SH2D3C: variants seen among roughly 807,000 people sequenced by gnomAD.
SH2D3C encodes the protein SH2 domain-containing protein 3C.
SH2D3C carries 25 observed loss-of-function variants against 75.2 expected under a neutral mutation model. That is an observed-to-expected ratio of 0.33 (90% CI 0.24 to 0.46). The LOEUF (loss-of-function observed/expected upper bound fraction) is 0.46, where lower values mean the gene tolerates loss of function less well. SH2D3C is among the 20% of genes least tolerant of loss of function. The pLI is 1.00. For synonymous variants in SH2D3C, 450 were observed against 473.7 expected, an observed-to-expected ratio of 0.95 and a Z score of 0.65; for missense variants, 933 against 1,165.3, an observed-to-expected ratio of 0.80 and a Z score of 2.90.
Position 127,738,683 on chromosome 9 carries a change from A to T in SH2D3C, c.*63T>A. ...ACAGTGTCCTTGGGGTGCTCTGGGG[A>T]AAGTTGTGTGCCCCTCTGCCCCTGA... is the stretch of plus-strand genomic sequence containing the variant. On this transcript the variant is annotated 3_prime_UTR_variant, in exon 12 of 12. Transcript: ENST00000314830. This position sits in a 1 kb window ranked among gnomAD's most constrained non-coding sequence, Gnocchi z 5.0. The T allele has an allele frequency of 6.8e-7, 1 of 1,465,234 alleles. No individual in the cohort carries two copies. The highest frequency in any genetic ancestry group is 9.1e-7 in the Non-Finnish European group (1 of 1,095,986). The allele number at this position is 1,465,234 out of a possible 1,614,324, so 90.8% of individuals were successfully genotyped here.
chr9:127,748,040 A>T (rs1845086292), intron 5 of SH2D3C, among the ~76,000 whole-genome samples: 1 of 152,192 alleles, frequency 6.6e-6, no homozygotes, highest in African/African-American at 2.4e-5. Context: ...CCAGAATTCA[A>T]CTACCCCATG....
rs1341258067 is a variant in SH2D3C, at chr9:127,774,636, A to G, written c.38-169T>C. Reference sequence around the variant, plus strand: ...GCCCCTAGAAATGGTATAAGATGGGAGCTTTGGAGTCACGGGGCCCTGGAC... The same window carrying G: ...GCCCCTAGAAATGGTATAAGATGGGGGCTTTGGAGTCACGGGGCCCTGGAC... On this transcript the variant is annotated intron_variant, in intron 1 of 11. Coordinates refer to ENST00000314830, the MANE Select transcript of SH2D3C (RefSeq NM_170600.3). This position sits in a 1 kb window ranked among gnomAD's most constrained non-coding sequence, Gnocchi z 4.3. 6.6e-6 allele frequency among the ~76,000 whole-genome samples: 1 copy of G among 152,132 alleles called. No individual in the cohort carries two copies. The highest frequency in any genetic ancestry group is 1.5e-5 in the Non-Finnish European group (1 of 68,018).
At chr9:127,771,424 G>T in intron 2 of SH2D3C, 1 of 1,266,260 alleles carries the variant, frequency 7.9e-7, no homozygotes, top group Non-Finnish European at 1.0e-6. Flanking sequence ...GGCAGGGAAG[G>T]ACGCTCTCCG....
At chr9:127,755,926 A>C (rs1257255466) in intron 3 of SH2D3C, among the ~76,000 whole-genome samples, 1 of 152,258 alleles carries the variant, frequency 6.6e-6, no homozygotes, top group East Asian at 1.9e-4. Flanking sequence ...GCTTTCGCTG[A>C]GCTGGTGCAT....
chr9:127,742,934 T>C lies in SH2D3C; in HGVS notation c.1831A>G (p.Met611Val). 1 of 1,613,826 alleles carries C rather than the reference T, an allele frequency of 6.2e-7. No homozygotes were observed. The highest frequency in any genetic ancestry group is 8.5e-7 in the Non-Finnish European group (1 of 1,179,842). ...VARILGVTKEMQTLMGVRWGM... is the reference protein window; with the variant it reads ...VARILGVTKEVQTLMGVRWGM... ...CAGCGGACTCCCATTAGGGTCTGCA[T>C]CTCCTTGGTAACGCCCAGTATCCTA... The change falls in exon 8 of 12, where the codon ATG becomes GTG. Residue 611 changes from methionine (M) to valine (V), a missense_variant. Met to Val is a conservative substitution (Grantham distance 21). Transcript: ENST00000314830.
intron 2 of SH2D3C, among the ~76,000 whole-genome samples, chr9:127,773,421 G>A (rs140548383): frequency 9.5e-4 from 145 of 152,164 alleles, no homozygotes; most frequent in African/African-American, 2.1e-3. Flanking sequence ...AGGGGGTCTC[G>A]GTTCACATGC....
chr9:127,755,303 G>T, intron 3 of SH2D3C: 2 of 1,092,060 alleles, frequency 1.8e-6, no homozygotes, highest in Non-Finnish European at 2.3e-6. Flanking sequence ...GGGAGGAGCG[G>T]GGAGGCGGGG....
chr9:127,743,516 AAAAT>A, intron 7 of SH2D3C, among the ~76,000 whole-genome samples: 1 of 152,312 alleles, frequency 6.6e-6, no homozygotes, highest in African/African-American at 2.4e-5. Context: ...AAATAAAAAT[AAAAT>A]AAATAAATAA....
chr9:127,743,788 C>A (rs1204407606), intron 7 of SH2D3C, among the ~76,000 whole-genome samples: 1 of 151,980 alleles, frequency 6.6e-6, no homozygotes, highest in Non-Finnish European at 1.5e-5. Flanking sequence ...GAACTGGGGT[C>A]TTTAGATGTT....
At chr9:127,762,925 C>G (rs1206106971) in intron 2 of SH2D3C, among the ~76,000 whole-genome samples, 2 of 152,232 alleles carry the variant, frequency 1.3e-5, no homozygotes, top group Non-Finnish European at 2.9e-5. Context: ...GCCAGAAAAA[C>G]AGGCATAAAT....
At chr9:127,765,781 C>G (rs1055858454) in intron 2 of SH2D3C, among the ~76,000 whole-genome samples, 1 of 152,194 alleles carries the variant, frequency 6.6e-6, no homozygotes, top group African/African-American at 2.4e-5. Flanking sequence ...TTTTAAAACT[C>G]AGCTCCACTA....
chr9:127,740,431 C>T, intron 9 of SH2D3C, 62 bp from the exon 10 acceptor site: 1 of 1,220,130 alleles, frequency 8.2e-7, no homozygotes, highest in Non-Finnish European at 1.2e-6. Context: ...CACCCTGCTG[C>T]CCTGCTGAGT....
Position 127,749,255 on chromosome 9 carries a change from C to A in SH2D3C, c.1095G>T (p.Gly365=). The A allele has an allele frequency of 1.3e-6, 2 of 1,590,862 alleles. No individual in the cohort carries two copies. Among genetic ancestry groups the A allele is most frequent in the Non-Finnish European group, 8.6e-7 (1 of 1,166,824 alleles). ...MKRRSVTMTD[G]LTADKVTRSD... is the part of the protein sequence containing the mutation. The stretch of plus-strand genomic sequence containing the variant: ...TGCGGGTGACCTTGTCAGCAGTGAG[C>A]CCATCGGTCATGGTGACGCTGCGCC... The change falls in exon 5 of 12, where the codon GGG becomes GGT. Residue 365 remains glycine, a synonymous_variant. Transcript: ENST00000314830. This position sits in a 1 kb window ranked among gnomAD's most constrained non-coding sequence, Gnocchi z 5.9.
At position 127,749,279 on chromosome 9, in the gene SH2D3C, C is replaced by T. The variant is rs1391573380; in HGVS notation, c.1071G>A (p.Arg357=). The change falls in exon 5 of 12, where the codon CGG becomes CGA. Residue 357 remains arginine (R), a synonymous_variant. Coordinates refer to ENST00000314830, the MANE Select transcript of SH2D3C (RefSeq NM_170600.3). This position sits in a 1 kb window ranked among gnomAD's most constrained non-coding sequence, Gnocchi z 5.9. Reference sequence around the variant, plus strand: ...GCCCATCGGTCATGGTGACGCTGCGCCGCTTCATGTGGCTGCCCTTGGGGC... The same window carrying T: ...GCCCATCGGTCATGGTGACGCTGCGTCGCTTCATGTGGCTGCCCTTGGGGC... The part of the protein sequence containing the change: ...PSGPKGSHMK[R]RSVTMTDGLT... The T allele has an allele frequency of 6.2e-7, 1 of 1,606,388 alleles. No homozygotes were observed. The highest frequency in any genetic ancestry group is 1.1e-5 in the South Asian group (1 of 90,724).
At chr9:127,768,177 CT>C (rs746681066) in intron 2 of SH2D3C, among the ~76,000 whole-genome samples, 1 of 152,214 alleles carries the variant, frequency 6.6e-6, no homozygotes, top group African/African-American at 2.4e-5. Flanking sequence ...ACCCCCACCC[CT>C]GGTGGGTAAT....
chr9:127,757,453 C>T (rs1449329279), intron 3 of SH2D3C, among the ~76,000 whole-genome samples: 3 of 149,428 alleles, frequency 2.0e-5, no homozygotes, highest in African/African-American at 7.4e-5. Flanking sequence ...TTTTTCAAGA[C>T]ATGGTCTCAC....
At position 127,754,949 on chromosome 9, in the gene SH2D3C, CG is replaced by C. The variant is rs1384121982; in HGVS notation, c.556-3650del. The C allele has an allele frequency of 2.1e-5, 11 of 533,478 alleles. No individual in the cohort carries two copies. Among genetic ancestry groups the C allele is most frequent in the South Asian group, 5.1e-5 (3 of 58,750 alleles). The allele number at this position is 533,478 out of a possible 1,614,324, so 33.0% of individuals were successfully genotyped here. On this transcript the variant is annotated intron_variant, in intron 3 of 11. Transcript: ENST00000314830. The surrounding 1 kb of genome is among the most constrained non-coding windows in gnomAD (Gnocchi z 4.4). ...GACCCCGCCCCCTCCCCGGGTCGGC[CG>C]GGCCCAGCCCAGCCCGACCCTGCCG... is the stretch of plus-strand genomic sequence containing the variant.
intron 2 of SH2D3C, among the ~76,000 whole-genome samples, chr9:127,762,905 C>G (rs949034157): frequency 6.6e-6 from 1 of 152,222 alleles, no homozygotes; most frequent in African/African-American, 2.4e-5. Flanking sequence ...AAAGACGGTA[C>G]CATGATTATG....
rs550274045 is a variant in SH2D3C at position 127,738,473 on chromosome 9, C to T, written c.*273G>A. On this transcript the variant is annotated 3_prime_UTR_variant, in exon 12 of 12. Coordinates refer to ENST00000314830, the MANE Select transcript of SH2D3C (RefSeq NM_170600.3). The surrounding 1 kb of genome is among the most constrained non-coding windows in gnomAD (Gnocchi z 5.0). ...CGTGAGCAGCCTGCCTCCCATGGCT[C>T]GAAAACAGGGAACCCCAGCAGGAAG... 1.6e-5 allele frequency: 5 copies of T among 320,532 alleles called. No individual in the cohort carries two copies. The highest frequency in any genetic ancestry group is 1.4e-4 in the Admixed American group (3 of 20,804). The allele number at this position is 320,532 out of a possible 1,614,324, so 19.9% of individuals were successfully genotyped here. A position where few individuals can be genotyped will look rare whatever the true frequency, so the allele number is the denominator to read the frequency against.
Sources: allele counts gnomAD v4.1 joint callset (sites outside exome capture counted in the v4.1 genomes callset), GRCh38; gene constraint gnomAD v4.1.1; non-coding constraint Gnocchi (gnomAD v3.1); transcripts MANE v1.5; gene names NCBI Gene and HGNC (gene_info 2026-07-23, HGNC 2026-07-21).